SGCD: variants seen among roughly 807,000 people sequenced by gnomAD.
SGCD encodes sarcoglycan delta, also known as delta-sarcoglycan.
SGCD carries 18 observed loss-of-function variants against 36.6 expected under a neutral mutation model. The ratio of observed to expected loss-of-function variants is 0.49; its 90% CI spans 0.34 to 0.73. SGCD has a LOEUF of 0.73. Among genes scored for constraint, SGCD ranks in the 30% least tolerant of loss-of-function variants. The probability of loss-of-function intolerance (pLI) is 0.01; values close to 1 mark genes in which losing one functional copy is unlikely to be tolerated. For missense variants in SGCD, 387 were observed against 346.7 expected, an observed-to-expected ratio of 1.12 and a Z score of -0.92; for synonymous variants, 133 against 130.6, an observed-to-expected ratio of 1.02 and a Z score of -0.12.
intron 1 of SGCD, among the ~76,000 whole-genome samples, chr5:156,078,519 A>AT (rs1267639228): frequency 0.053 from 7,286 of 137,306 alleles, 216 homozygotes; most frequent in Middle Eastern, 0.074. Flanking sequence ...TCAAAAAAAA[A>AT]AATATATATA....
intron 3 of SGCD, among the ~76,000 whole-genome samples, chr5:156,313,551 A>G (rs922104921): frequency 2.0e-5 from 3 of 152,112 alleles, no homozygotes; most frequent in East Asian, 1.9e-4. Flanking sequence ...ATCTTCTCCA[A>G]TTCTAACCAC....
At chr5:156,267,642 C>T (rs779550898) in intron 3 of SGCD, among the ~76,000 whole-genome samples, 1 of 152,208 alleles carries the variant, frequency 6.6e-6, no homozygotes, top group Non-Finnish European at 1.5e-5. Flanking sequence ...ATCAAGCCAG[C>T]TGCAGGGACA....
At chr5:155,927,059 C>T (rs1757008598) in intron 1 of SGCD, among the ~76,000 whole-genome samples, 1 of 152,122 alleles carries the variant, frequency 6.6e-6, no homozygotes, top group Non-Finnish European at 1.5e-5. Flanking sequence ...ATCCAGTCCA[C>T]AATGAAAATA....
intron 3 of SGCD, among the ~76,000 whole-genome samples, chr5:156,267,951 C>T (rs187194539): frequency 1.1e-4 from 17 of 152,090 alleles, no homozygotes; most frequent in Admixed American, 8.5e-4. Flanking sequence ...AAGCTTAGTA[C>T]CCAATAGTTA....
chr5:155,815,066 T>C, the SGCD span, among the ~76,000 whole-genome samples: 1 of 152,082 alleles, frequency 6.6e-6, no homozygotes, highest in Non-Finnish European at 1.5e-5. Flanking sequence ...TCTTAGTTTT[T>C]ATTAGTGTAC....
chr5:156,319,719 A>G (rs983547201), intron 3 of SGCD, among the ~76,000 whole-genome samples: 43 of 152,166 alleles, frequency 2.8e-4, no homozygotes, highest in African/African-American at 9.2e-4. Flanking sequence ...CAATTCCTCT[A>G]TTACCTATCT....
At chr5:155,728,433 G>A in the SGCD span, among the ~76,000 whole-genome samples, 11 of 152,206 alleles carry the variant, frequency 7.2e-5, no homozygotes, top group Admixed American at 3.9e-4. Context: ...AAGCACCGGC[G>A]GGGAGGAGGA....
intron 3 of SGCD, among the ~76,000 whole-genome samples, chr5:156,179,627 T>TC (rs1250335717): frequency 1.3e-5 from 2 of 150,934 alleles, no homozygotes; most frequent in African/African-American, 4.9e-5. Flanking sequence ...CAACTTTTTT[T>TC]TTTTTTTTTT....
chr5:156,347,963 T>G (rs1769034122), intron 3 of SGCD, among the ~76,000 whole-genome samples: 1 of 152,200 alleles, frequency 6.6e-6, no homozygotes, highest in Non-Finnish European at 1.5e-5. Flanking sequence ...TTATTAGGCA[T>G]AATTGGTACT....
At chr5:156,427,530 C>T (rs556355080) in intron 3 of SGCD, among the ~76,000 whole-genome samples, 1 of 152,098 alleles carries the variant, frequency 6.6e-6, no homozygotes, top group East Asian at 1.9e-4. Flanking sequence ...CCCTTTCTTT[C>T]CTTCTCTTGT....
chr5:156,657,238 CTTTTA>C (rs757172028), intron 7 of SGCD, among the ~76,000 whole-genome samples: 31 of 150,758 alleles, frequency 2.1e-4, no homozygotes, highest in South Asian at 1.3e-3. Context: ...TTTCCTCTCT[CTTTTA>C]TTTTATTTTA....
At chr5:156,543,597 C>T (rs253594) in intron 4 of SGCD, among the ~76,000 whole-genome samples, 100,959 of 152,050 alleles carry the variant, frequency 0.66, 34,531 homozygotes, top group African/African-American at 0.84. Flanking sequence ...AAAGAGGTAG[C>T]AACAATGCTG....
the SGCD span, among the ~76,000 whole-genome samples, chr5:155,857,497 C>T: frequency 6.6e-6 from 1 of 152,142 alleles, no homozygotes; most frequent in African/African-American, 2.4e-5. Flanking sequence ...AAAGATGAAT[C>T]TCTAAACAAT....
the SGCD span, among the ~76,000 whole-genome samples, chr5:155,794,160 A>T: frequency 3.3e-5 from 5 of 152,204 alleles, no homozygotes; most frequent in Non-Finnish European, 5.9e-5. Context: ...GCATTACTAC[A>T]AGTTCAGTCC....
At chr5:156,651,570 G>A (rs1372000807) in intron 7 of SGCD, among the ~76,000 whole-genome samples, 2 of 152,022 alleles carry the variant, frequency 1.3e-5, no homozygotes, top group Non-Finnish European at 2.9e-5. Context: ...CTTTCCACAT[G>A]CTTATTTTTG....
At chr5:155,888,825 A>G (rs1210736460) in intron 1 of SGCD, among the ~76,000 whole-genome samples, 2 of 152,100 alleles carry the variant, frequency 1.3e-5, no homozygotes, top group East Asian at 1.9e-4. Context: ...AGCGTAAAAT[A>G]TTTTGTAGCA....
intron 3 of SGCD, among the ~76,000 whole-genome samples, chr5:156,466,867 A>AT (rs1156489391): frequency 6.6e-6 from 1 of 152,098 alleles, no homozygotes; most frequent in Non-Finnish European, 1.5e-5. Context: ...ATAAAATGCA[A>AT]TTTTTTATTT....
At chr5:156,751,192 C>T (rs1419320526) in intron 7 of SGCD, among the ~76,000 whole-genome samples, 1 of 151,978 alleles carries the variant, frequency 6.6e-6, no homozygotes, top group Admixed American at 6.6e-5. Context: ...CTAGAAAACC[C>T]CAAAAGAGAG....
At position 156,149,934 on chromosome 5, in the gene SGCD, C is replaced by A. The variant is rs1379339442; in HGVS notation, c.-44+25915C>A. Among the ~76,000 whole-genome samples, 3 of 152,174 alleles carry A rather than the reference C, an allele frequency of 2.0e-5. No homozygotes were observed. In the East Asian group the frequency reaches 5.8e-4, roughly 29 times the overall value. On this transcript the variant is annotated intron_variant, in intron 3 of 9. Transcript: ENST00000517913. ...GACCAGTTTACAACTGAAGACTTGG[C>A]CTTGAAAACCAGTGCCTTTTTAGCC...
Sources: allele counts gnomAD v4.1 joint callset (sites outside exome capture counted in the v4.1 genomes callset), GRCh38; gene constraint gnomAD v4.1.1; transcripts MANE v1.5; gene names NCBI Gene and HGNC (gene_info 2026-07-23, HGNC 2026-07-21).